The following ULK4 variants were observed in gnomAD, a reference collection of about 807,000 sequenced individuals.
ULK4 encodes inactive serine/threonine-protein kinase ULK4.
Under a neutral mutation model 160.6 loss-of-function variants are expected in ULK4, and 133 were observed. The observed-to-expected ratio is 0.83, with a 90% CI of 0.72 to 0.96. The LOEUF is 0.96. ULK4 is among the 40% of genes least tolerant of loss of function. The pLI is 0.00. For synonymous variants in ULK4, 534 were observed against 539.8 expected (o/e 0.99, Z 0.15); for missense variants, 1,580 against 1,499.5 (o/e 1.05, Z -0.89).
At chr3:41,248,462 G>A (rs2078684718) in intron 36 of ULK4, among the ~76,000 whole-genome samples, 1 of 152,132 alleles carries the variant, frequency 6.6e-6, no homozygotes, top group African/African-American at 2.4e-5. Context: ...TATGGTTTAT[G>A]CTGAAGACAA....
At chr3:41,454,835 G>A (rs1339983698) in intron 34 of ULK4, among the ~76,000 whole-genome samples, 1 of 151,816 alleles carries the variant, frequency 6.6e-6, no homozygotes, top group Non-Finnish European at 1.5e-5. Flanking sequence ...TGGAATTACA[G>A]GTGAACACCA....
intron 35 of ULK4, among the ~76,000 whole-genome samples, chr3:41,392,410 T>C (rs889197269): frequency 2.0e-5 from 3 of 152,130 alleles, no homozygotes; most frequent in South Asian, 2.1e-4. Flanking sequence ...TAGAAAGTAA[T>C]TGTCACAAGA....
intron 35 of ULK4, among the ~76,000 whole-genome samples, chr3:41,280,345 A>G (rs2079326839): frequency 2.0e-5 from 3 of 152,222 alleles, no homozygotes; most frequent in African/African-American, 7.2e-5. Flanking sequence ...CCTCAAATAA[A>G]CAGAATATAC....
chr3:41,822,899 T>C (rs1169949105), intron 18 of ULK4, among the ~76,000 whole-genome samples: 1 of 151,604 alleles, frequency 6.6e-6, no homozygotes, highest in Non-Finnish European at 1.5e-5. Context: ...TTTTTTTGTA[T>C]TTTTAGAAGA....
chr3:41,804,415 T>C (rs1220573464), intron 19 of ULK4, among the ~76,000 whole-genome samples: 1 of 152,106 alleles, frequency 6.6e-6, no homozygotes, highest in African/African-American at 2.4e-5. Context: ...GCAAAAATTT[T>C]CTCCCATTTT....
chr3:41,737,402 G>A (rs1173726859), intron 22 of ULK4, among the ~76,000 whole-genome samples: 1 of 151,838 alleles, frequency 6.6e-6, no homozygotes, highest in Non-Finnish European at 1.5e-5. Flanking sequence ...ATGCTCATGG[G>A]TAGGAAGAAT....
At chr3:41,406,482 G>A (rs1479008842) in intron 34 of ULK4, among the ~76,000 whole-genome samples, 1 of 152,092 alleles carries the variant, frequency 6.6e-6, no homozygotes. Flanking sequence ...ATTTTAGAAT[G>A]GCTTTTTGTA....
At chr3:41,566,436 G>T (rs2087786337) in intron 31 of ULK4, among the ~76,000 whole-genome samples, 1 of 152,148 alleles carries the variant, frequency 6.6e-6, no homozygotes, top group South Asian at 2.1e-4. Flanking sequence ...CAAGTATGTA[G>T]AACTCAGAAG....
chr3:41,681,406 A>G (rs370692443), intron 29 of ULK4, 102 bp downstream of exon 29: 51 of 1,500,048 alleles, frequency 3.4e-5, no homozygotes, highest in East Asian at 1.8e-4. Context: ...GTGTATAAAC[A>G]TAAGGACATC....
chr3:41,840,332 G>C (rs1206612414), intron 17 of ULK4, among the ~76,000 whole-genome samples: 1 of 152,152 alleles, frequency 6.6e-6, no homozygotes, highest in Non-Finnish European at 1.5e-5. Flanking sequence ...AGCTACTCAA[G>C]AGACTAAGGT....
chr3:41,440,540 AT>A (rs2083140748), intron 34 of ULK4, among the ~76,000 whole-genome samples: 1 of 152,116 alleles, frequency 6.6e-6, no homozygotes, highest in African/African-American at 2.4e-5. Flanking sequence ...TTCTTTCAAT[AT>A]ATGGTTAGAT....
chr3:41,960,523 C>T (rs1307181369), intron 1 of ULK4, among the ~76,000 whole-genome samples: 1 of 151,904 alleles, frequency 6.6e-6, no homozygotes, highest in Non-Finnish European at 1.5e-5. Flanking sequence ...ACCACCACAC[C>T]CAGTTAATTT....
chr3:41,742,689 TATC>T lies in ULK4; in HGVS notation c.2321+11669_2321+11671del, dbSNP rs1187070418. Among the ~76,000 whole-genome samples, 2 of 151,988 alleles carry T rather than the reference TATC, an allele frequency of 1.3e-5. 1 individual carries two copies. Among genetic ancestry groups the T allele is most frequent in the African/African-American group, 4.8e-5 (2 of 41,240 alleles). ...GATCTAACAAAGATTTCAAAGCAGCTATCATAAAAATGTTTCAAAAAGCATTAC... is the reference window on the plus strand; with the variant it reads ...GATCTAACAAAGATTTCAAAGCAGCTATAAAAATGTTTCAAAAAGCATTAC... On this transcript the variant is annotated intron_variant, in intron 22 of 36. Transcript: ENST00000301831.
chr3:41,948,576 T>C (rs893303762), intron 2 of ULK4, among the ~76,000 whole-genome samples: 1 of 152,152 alleles, frequency 6.6e-6, no homozygotes, highest in Non-Finnish European at 1.5e-5. Flanking sequence ...AAAAGGATTA[T>C]GCACGATAAC....
At chr3:41,406,267 C>T (rs1242318612) in intron 34 of ULK4, among the ~76,000 whole-genome samples, 1 of 152,172 alleles carries the variant, frequency 6.6e-6, no homozygotes, top group Non-Finnish European at 1.5e-5. Context: ...TGTCAAAGAT[C>T]AGGTGGCTGT....
At chr3:41,374,725 A>C (rs2081443819) in intron 35 of ULK4, among the ~76,000 whole-genome samples, 1 of 152,242 alleles carries the variant, frequency 6.6e-6, no homozygotes, top group African/African-American at 2.4e-5. Context: ...GAAAACTGGC[A>C]CAAGACAATG....
At chr3:41,641,118 T>C (rs977225844) in intron 30 of ULK4, among the ~76,000 whole-genome samples, 9 of 152,202 alleles carry the variant, frequency 5.9e-5, no homozygotes, top group African/African-American at 2.2e-4. Context: ...TATAAGTCTT[T>C]TCCAGTTGAT....
In ULK4 at chr3:41,679,054, AT is replaced by A. The variant is rs200219784; in HGVS notation, c.2978+2453del. ...ATGTGTTACTTACATTTCATTTAAA[AT>A]TTTTTTTTACATCTATTGAGCCCTT... On this transcript the variant is annotated intron_variant, in intron 29 of 36. Transcript: ENST00000301831. Among the ~76,000 whole-genome samples, 357 of 151,950 alleles carry A rather than the reference AT, an allele frequency of 2.3e-3. 5 individuals are homozygous for A. Among genetic ancestry groups the A allele is most frequent in the Middle Eastern group, 0.014 (4 of 292 alleles).
chr3:41,786,112 C>CT (rs2039990637), intron 21 of ULK4, among the ~76,000 whole-genome samples: 1 of 152,194 alleles, frequency 6.6e-6, no homozygotes, highest in Non-Finnish European at 1.5e-5. Context: ...AACAGTCACT[C>CT]TATCACATAC....
Sources: allele counts gnomAD v4.1 joint callset (sites outside exome capture counted in the v4.1 genomes callset), GRCh38; gene constraint gnomAD v4.1.1; transcripts MANE v1.5; gene names NCBI Gene and HGNC (gene_info 2026-07-23, HGNC 2026-07-21).